The following EYS variants were observed in gnomAD, a reference collection of about 807,000 sequenced individuals.
The protein encoded by EYS is protein eyes shut homolog.
In EYS, 250 loss-of-function variants were observed where a neutral mutation model predicts 282.1. The observed-to-expected ratio is 0.89, with a 90% CI of 0.80 to 0.98. The LOEUF is 0.98. Ranked by LOEUF, EYS falls within the 50% of genes least tolerant of loss-of-function variation. The probability of loss-of-function intolerance (pLI) is 0.00; values close to 1 mark genes in which losing one functional copy is unlikely to be tolerated. For missense variants in EYS, 4,016 were observed against 3,709.0 expected (o/e 1.08, Z -2.15); for synonymous variants, 1,355 against 1,282.9 (o/e 1.06, Z -1.20).
chr6:63,947,294 C>T (rs867470338), intron 35 of EYS, among the ~76,000 whole-genome samples: 1 of 151,802 alleles, frequency 6.6e-6, no homozygotes, highest in African/African-American at 2.4e-5. Flanking sequence ...GTTTTTTCAT[C>T]TAAAAATATG....
intron 15 of EYS, among the ~76,000 whole-genome samples, chr6:64,913,088 A>T (rs2150077158): frequency 6.6e-6 from 1 of 152,206 alleles, no homozygotes; most frequent in South Asian, 2.1e-4. Flanking sequence ...TACAGATGAG[A>T]TCACTATTTA....
rs1241979859 is a variant in EYS at position 65,253,191 on chromosome 6, A to G, written c.2023+42672T>C. ...CTGCTGAAAGCTAAAGACAAAAAGG[A>G]TAATATAGCTTGAGACATTTATACT... On this transcript the variant is annotated intron_variant, in intron 12 of 42. Transcript: ENST00000503581. 3.3e-5 allele frequency among the ~76,000 whole-genome samples: 5 copies of G among 152,026 alleles called. No individual in the cohort carries two copies. In the East Asian group the frequency reaches 7.7e-4, roughly 23 times the overall value.
At chr6:64,646,557 ACTTTGGG>A (rs1375325816) in intron 22 of EYS, among the ~76,000 whole-genome samples, 12 of 152,246 alleles carry the variant, frequency 7.9e-5, no homozygotes, top group Middle Eastern at 3.4e-3. Flanking sequence ...TAATCCCAGC[ACTTTGGG>A]AGGCTGAGGC....
At chr6:65,454,564 T>A (rs1204810238) in intron 5 of EYS, among the ~76,000 whole-genome samples, 1 of 146,874 alleles carries the variant, frequency 6.8e-6, no homozygotes, top group Non-Finnish European at 1.5e-5. Context: ...AGGTTTTATT[T>A]AAAAAAAAAA....
At chr6:64,132,115 TG>T (rs1413004740) in intron 31 of EYS, among the ~76,000 whole-genome samples, 2 of 152,138 alleles carry the variant, frequency 1.3e-5, no homozygotes, top group Non-Finnish European at 2.9e-5. Context: ...CTGTCAATGA[TG>T]TTTTATTGTA....
At chr6:65,212,099 A>T (rs1331590217) in intron 12 of EYS, among the ~76,000 whole-genome samples, 1 of 152,082 alleles carries the variant, frequency 6.6e-6, no homozygotes, top group East Asian at 1.9e-4. Flanking sequence ...AAAAAAATTT[A>T]AAAGTCACCA....
At chr6:65,047,806 G>T (rs1446045082) in intron 13 of EYS, among the ~76,000 whole-genome samples, 2 of 151,894 alleles carry the variant, frequency 1.3e-5, no homozygotes, top group Non-Finnish European at 2.9e-5. Context: ...ATAGAATGAG[G>T]TCTTTTCTGC....
chr6:64,853,855 C>T lies in EYS; in HGVS notation c.2993-31033G>A, dbSNP rs9445425. ...AAATTTTTGCAATCTACTCATCTGA[C>T]AAAGGGCTAATATCCAGAATCTACA... On this transcript the variant is annotated intron_variant, in intron 19 of 42. Coordinates refer to ENST00000503581, the MANE Select transcript of EYS (RefSeq NM_001142800.2). Among the ~76,000 whole-genome samples, 189 of 152,042 alleles carry T rather than the reference C, an allele frequency of 1.2e-3. 1 individual carries two copies. Among genetic ancestry groups the T allele is most frequent in the African/African-American group, 4.3e-3 (177 of 41,486 alleles).
rs549574409 is a variant in EYS at position 63,918,953 on chromosome 6, A to G, written c.7056-54595T>C. Among the ~76,000 whole-genome samples the G allele has an allele frequency of 3.2e-4, 49 of 152,326 alleles. 2 individuals are homozygous for G. The highest frequency in any genetic ancestry group is 6.8e-3 in the Middle Eastern group (2 of 294). ...GTCCAATACATTTGCAAGAATTTGT[A>G]GAGAATCCTTTGCAAGCCTGGCATT... On this transcript the variant is annotated intron_variant, in intron 35 of 42. Transcript: ENST00000503581.
At chr6:64,600,160 C>T (rs990194693) in intron 24 of EYS, among the ~76,000 whole-genome samples, 2 of 152,084 alleles carry the variant, frequency 1.3e-5, no homozygotes, top group South Asian at 4.1e-4. Context: ...TTCCAGCCTA[C>T]TTTGAGTGGT....
At chr6:63,851,202 T>C (rs537611429) in intron 36 of EYS, among the ~76,000 whole-genome samples, 1 of 152,290 alleles carries the variant, frequency 6.6e-6, no homozygotes, top group East Asian at 1.9e-4. Context: ...CAAAGAGACT[T>C]AGATTCGCAC....
chr6:64,573,736 A>T (rs1305245756), intron 26 of EYS, among the ~76,000 whole-genome samples: 1 of 152,228 alleles, frequency 6.6e-6, no homozygotes, highest in Non-Finnish European at 1.5e-5. Context: ...ATGCCATCTC[A>T]CGCCAGTTAG....
intron 12 of EYS, among the ~76,000 whole-genome samples, chr6:65,079,264 A>G (rs1320853636): frequency 6.6e-6 from 1 of 152,132 alleles, no homozygotes; most frequent in Non-Finnish European, 1.5e-5. Flanking sequence ...TATGGTAATC[A>G]GTAGACACAT....
chr6:65,367,951 G>A (rs964011747), intron 8 of EYS, among the ~76,000 whole-genome samples: 2 of 151,610 alleles, frequency 1.3e-5, no homozygotes, highest in Non-Finnish European at 2.9e-5. Flanking sequence ...AGACATACCT[G>A]AGACTGGGTA....
intron 13 of EYS, among the ~76,000 whole-genome samples, chr6:65,044,732 A>T (rs2150151126): frequency 6.6e-6 from 1 of 151,920 alleles, no homozygotes; most frequent in South Asian, 2.1e-4. Flanking sequence ...GGTTGCTTCC[A>T]CTGGGGAAAA....
chr6:65,271,154 GAAGATT>G (rs1767892988), intron 12 of EYS, among the ~76,000 whole-genome samples: 1 of 16,054 alleles, frequency 6.2e-5, no homozygotes, highest in Non-Finnish European at 1.8e-4. Context: ...ATATATATAT[GAAGATT>G]TATTATAAGA....
At chr6:65,618,954 A>G (rs1248986483) in intron 2 of EYS, among the ~76,000 whole-genome samples, 1 of 152,156 alleles carries the variant, frequency 6.6e-6, no homozygotes, top group East Asian at 1.9e-4. Flanking sequence ...TGGTTACTGT[A>G]GTCTTGTAGT....
At chr6:64,459,917 C>T (rs1415382609) in intron 26 of EYS, among the ~76,000 whole-genome samples, 1 of 151,208 alleles carries the variant, frequency 6.6e-6, no homozygotes, top group Non-Finnish European at 1.5e-5. Context: ...TCAATATTAA[C>T]CATCACATCT....
intron 24 of EYS, among the ~76,000 whole-genome samples, chr6:64,600,186 A>T (rs1482634838): frequency 3.3e-5 from 5 of 151,064 alleles, no homozygotes; most frequent in Non-Finnish European, 5.9e-5. Context: ...GCCATTGCTG[A>T]CCTCTGTTTA....
Sources: allele counts gnomAD v4.1 joint callset (sites outside exome capture counted in the v4.1 genomes callset), GRCh38; gene constraint gnomAD v4.1.1; transcripts MANE v1.5; gene names NCBI Gene and HGNC (gene_info 2026-07-23, HGNC 2026-07-21).